The following DNAAF5 variants were observed in gnomAD, a reference collection of about 807,000 sequenced individuals.
DNAAF5 encodes HEAT repeat containing 2.
DNAAF5 carries 64 observed loss-of-function variants against 75.8 expected under a neutral mutation model. The observed-to-expected ratio is 0.84, with a 90% CI of 0.69 to 1.04. DNAAF5 has a LOEUF of 1.04. Among genes scored for constraint, DNAAF5 ranks in the 50% least tolerant of loss-of-function variants. The pLI is 0.00. For synonymous variants in DNAAF5, 657 were observed against 557.2 expected (o/e 1.18, Z -2.52); for missense variants, 1,269 against 1,178.5 (o/e 1.08, Z -1.12).
chr7:760,959 C>T (rs1431692532), intron 6 of DNAAF5, among the ~76,000 whole-genome samples: 5 of 152,230 alleles, frequency 3.3e-5, no homozygotes, highest in South Asian at 2.1e-4. Flanking sequence ...CCAGCTTCAG[C>T]GCTGACCAGC....
chr7:726,825 G>A lies in DNAAF5; in HGVS notation c.105G>A (p.Leu35=), dbSNP rs1262357841. ...VELSRALSRL[L]PGLEADSKPG... ...TGAGCCGCGCCCTGAGCCGCCTGCTGCCGGGGCTGGAGGCCGACAGCAAGC... is the reference window on the plus strand; with the variant it reads ...TGAGCCGCGCCCTGAGCCGCCTGCTACCGGGGCTGGAGGCCGACAGCAAGC... Residue 35 remains leucine (L), a synonymous_variant, in exon 1 of 13, where the codon CTG becomes CTA. Transcript: ENST00000297440. 9.0e-6 allele frequency: 12 copies of A among 1,327,404 alleles called. No individual in the cohort carries two copies. Among genetic ancestry groups the A allele is most frequent in the Middle Eastern group, 2.8e-4 (1 of 3,550 alleles). The allele number at this position is 1,327,404 out of a possible 1,614,324, so 82.2% of individuals were successfully genotyped here. A position where few individuals can be genotyped will look rare whatever the true frequency, so the allele number is the denominator to read the frequency against.
Position 735,210 on chromosome 7 carries a change from G to A in DNAAF5, c.780+5363G>A, listed in dbSNP as rs186434064. Among the ~76,000 whole-genome samples the A allele has an allele frequency of 2.6e-3, 379 of 143,520 alleles. 3 individuals carry two copies. The highest frequency in any genetic ancestry group is 9.4e-3 in the African/African-American group (359 of 38,214). 94.2% of individuals were successfully genotyped at this position (143,520 alleles called of 152,430 possible). ...AGCTGCTCACGGTGTAGCTGCTCAC[G>A]GTGTCATTGCTTATATTGTAGTTGC... On this transcript the variant is annotated intron_variant, in intron 2 of 12. Transcript: ENST00000297440.
intron 6 of DNAAF5, among the ~76,000 whole-genome samples, chr7:759,605 C>G (rs1488816926): frequency 6.6e-6 from 1 of 152,116 alleles, no homozygotes; most frequent in Non-Finnish European, 1.5e-5. Context: ...GAATTATTTC[C>G]TGCTGTATCT....
chr7:757,311 C>T (rs757266769), intron 6 of DNAAF5, among the ~76,000 whole-genome samples: 159 of 52,996 alleles, frequency 3.0e-3, no homozygotes, highest in Non-Finnish European at 5.0e-3. Context: ...TTCTTGGCCA[C>T]ACACCACAGT....
intron 4 of DNAAF5, among the ~76,000 whole-genome samples, chr7:752,039 C>G (rs945951362): frequency 6.6e-6 from 1 of 152,202 alleles, no homozygotes; most frequent in Non-Finnish European, 1.5e-5. Flanking sequence ...GCAAGACTCA[C>G]AAAACCACAG....
chr7:741,398 G>A lies in DNAAF5; in HGVS notation c.957G>A (p.Glu319=). The change falls in exon 4 of 13, where the codon GAG becomes GAA. Residue 319 remains glutamate, a synonymous_variant. Transcript: ENST00000297440. ...ACGTTGGCCTGCAGTGGCAGAAGGA[G>A]AATGAGGAGGACCTGAAGGACAAGC... ...WEDVGLQWQK[E]NEEDLKDKLD... is the part of the protein sequence containing the mutation. The A allele has an allele frequency of 6.3e-7, 1 of 1,580,364 alleles. No individual in the cohort carries two copies.
intron 10 of DNAAF5, among the ~76,000 whole-genome samples, chr7:774,480 C>T (rs1331199480): frequency 6.6e-6 from 1 of 152,208 alleles, no homozygotes; most frequent in Non-Finnish European, 1.5e-5. Flanking sequence ...TGCGGTTTCT[C>T]GGTTTCCGGC....
chr7:771,070 A>G (rs1778548330), intron 9 of DNAAF5: 1 of 155,378 alleles, frequency 6.4e-6, no homozygotes, highest in Non-Finnish European at 1.4e-5. Context: ...ATTAACTGTT[A>G]ATGGCTTATG....
chr7:769,293 G>GT (rs1390273542), intron 8 of DNAAF5: 1 of 687,928 alleles, frequency 1.5e-6, no homozygotes, highest in African/African-American at 1.8e-5. Context: ...CCCCAACCCA[G>GT]TCCCCACCCT....
rs985383925 is a variant in DNAAF5 at position 757,044 on chromosome 7, C to A, written c.1470+50C>A. On this transcript the variant is annotated intron_variant, in intron 6 of 12. Transcript: ENST00000297440. Reference sequence around the variant, plus strand: ...AGTGGAGAGGAGGAGCCTCCCCTGCCCGGCCGTCAGCCATCGTAATGACAT... The same window carrying A: ...AGTGGAGAGGAGGAGCCTCCCCTGCACGGCCGTCAGCCATCGTAATGACAT... The A allele has an allele frequency of 3.9e-6, 6 of 1,525,778 alleles. No homozygotes were observed. In the African/African-American group the frequency reaches 8.2e-5, roughly 21 times the overall value. The allele number at this position is 1,525,778 out of a possible 1,614,324, so 94.5% of individuals were successfully genotyped here.
chr7:741,950 T>C (rs956843670), intron 4 of DNAAF5, among the ~76,000 whole-genome samples: 9 of 152,198 alleles, frequency 5.9e-5, no homozygotes, highest in Admixed American at 5.2e-4. Flanking sequence ...ATTTCCAACC[T>C]GGGAACAGGG....
intron 2 of DNAAF5, among the ~76,000 whole-genome samples, chr7:733,006 A>G (rs1276556449): frequency 2.6e-5 from 4 of 152,226 alleles, no homozygotes; most frequent in African/African-American, 9.6e-5. Flanking sequence ...ATGGAGTTCC[A>G]GTTTTCCCAG....
At chr7:743,714 G>A (rs192152791) in intron 4 of DNAAF5, among the ~76,000 whole-genome samples, 74 of 145,988 alleles carry the variant, frequency 5.1e-4, no homozygotes, top group Middle Eastern at 3.5e-3. Context: ...ACTCAGTCTC[G>A]GCTCACTGCA....
chr7:751,669 GTTCAAGTGA>G (rs1782299717), intron 4 of DNAAF5, among the ~76,000 whole-genome samples: 1 of 149,568 alleles, frequency 6.7e-6, no homozygotes, highest in Non-Finnish European at 1.5e-5. Flanking sequence ...CACCTCCTGG[GTTCAAGTGA>G]TTCTGCTGCC....
chr7:774,100 C>G lies in DNAAF5; in HGVS notation c.1984C>G (p.Leu662Val), dbSNP rs113233269. 1 of 1,613,824 alleles carries G rather than the reference C, an allele frequency of 6.2e-7. No individual in the cohort carries two copies. The highest frequency in any genetic ancestry group is 8.5e-7 in the Non-Finnish European group (1 of 1,180,004). Residue 662 changes from leucine to valine, a missense_variant, in exon 10 of 13, where the codon CTG (leucine) becomes GTG (valine). Physicochemically the swap from Leu to Val is conservative, Grantham distance 32. Coordinates refer to ENST00000297440, the MANE Select transcript of DNAAF5 (RefSeq NM_017802.4). ...GACAAAGGACATCCTGGCCCCCAAT[C>G]TGCAGTGGCATGCGGGGAGGACAGC... ...TVTKDILAPN[L>V]QWHAGRTAAA...
At chr7:752,268 A>G (rs775549415) in intron 4 of DNAAF5, among the ~76,000 whole-genome samples, 7 of 152,266 alleles carry the variant, frequency 4.6e-5, no homozygotes, top group Non-Finnish European at 8.8e-5. Context: ...CTGAAGGTAA[A>G]GCCCAGAACC....
At chr7:762,137 A>C (rs551802640) in intron 7 of DNAAF5, among the ~76,000 whole-genome samples, 70 of 152,354 alleles carry the variant, frequency 4.6e-4, no homozygotes, top group African/African-American at 1.6e-3. Context: ...TCAGCAAAGA[A>C]GCAAACAAGA....
At chr7:765,166 G>A (rs928607238) in intron 8 of DNAAF5, among the ~76,000 whole-genome samples, 61 of 152,088 alleles carry the variant, frequency 4.0e-4, no homozygotes, top group African/African-American at 1.4e-3. Context: ...ACGTGCACTC[G>A]GGGCATTAAA....
At chr7:762,199 CAT>C (rs1169705344) in intron 7 of DNAAF5, among the ~76,000 whole-genome samples, 12 of 152,140 alleles carry the variant, frequency 7.9e-5, no homozygotes, top group Admixed American at 3.3e-4. Context: ...TAATAGTGCA[CAT>C]GTCGCTGGGC....
Sources: gnomAD v4.1 joint callset for allele counts (sites outside exome capture counted in the v4.1 genomes callset) on GRCh38, gnomAD v4.1.1 for gene constraint, MANE v1.5 for transcripts, NCBI Gene and HGNC (gene_info 2026-07-23, HGNC 2026-07-21) for gene names.